FRMD3: variants seen among roughly 807,000 people sequenced by gnomAD.
FRMD3 encodes FERM domain-containing protein 3.
A neutral mutation model predicts 70.2 loss-of-function variants in FRMD3; 33 were observed. That is an observed-to-expected ratio of 0.47 (90% confidence interval 0.36 to 0.63). The LOEUF is 0.63. FRMD3 is among the 20% of genes least tolerant of loss of function. FRMD3 has a pLI of 0.00. For synonymous variants in FRMD3, 279 were observed against 255.9 expected (o/e 1.09, Z -0.86); for missense variants, 632 against 711.4 (o/e 0.89, Z 1.27).
At chr9:83,438,889 C>A (rs1827216330) in intron 1 of FRMD3, among the ~76,000 whole-genome samples, 1 of 152,206 alleles carries the variant, frequency 6.6e-6, no homozygotes, top group South Asian at 2.1e-4. Flanking sequence ...CTCAGCATAG[C>A]CTTCCTCCCA....
At chr9:83,344,956 T>C (rs3860902) in intron 4 of FRMD3, among the ~76,000 whole-genome samples, 107,996 of 151,678 alleles carry the variant, frequency 0.71, 38,679 homozygotes, top group Admixed American at 0.74. Flanking sequence ...GAGCGACATG[T>C]GTAATCCCCA....
Position 83,490,798 on chromosome 9 carries a change from T to TCTCTCACA in FRMD3, c.147+47286_147+47287insTGTGAGAG, listed in dbSNP as rs752047493. On this transcript the variant is annotated intron_variant, in intron 1 of 13. Transcript: ENST00000304195. ...CTCTCTCTCTCTCTCTCTCTCTCTCTCACACACACACACACACACACACAC... is the reference window on the plus strand; with the variant it reads ...CTCTCTCTCTCTCTCTCTCTCTCTCTCTCTCACACACACACACACACACACACACACAC... Among the ~76,000 whole-genome samples the TCTCTCACA allele has an allele frequency of 4.2e-4, 46 of 110,784 alleles. 1 individual carries two copies. In the South Asian group the frequency reaches 7.2e-3, roughly 17 times the overall value. 72.7% of individuals were successfully genotyped at this position (110,784 alleles called of 152,430 possible). A position where few individuals can be genotyped will look rare whatever the true frequency, so the allele number is the denominator to read the frequency against.
intron 3 of FRMD3, among the ~76,000 whole-genome samples, chr9:83,369,449 G>A (rs1432510775): frequency 5.3e-5 from 8 of 151,942 alleles, no homozygotes; most frequent in Non-Finnish European, 7.4e-5. Context: ...GGTGGCACGT[G>A]CCTGTAATCC....
At chr9:83,506,964 C>G (rs1014787950) in intron 1 of FRMD3, among the ~76,000 whole-genome samples, 1 of 152,136 alleles carries the variant, frequency 6.6e-6, no homozygotes, top group African/African-American at 2.4e-5. Context: ...TAGGCCTACA[C>G]AGGATCAAGA....
At chr9:83,523,030 T>C (rs1350953357) in intron 1 of FRMD3, among the ~76,000 whole-genome samples, 3 of 152,222 alleles carry the variant, frequency 2.0e-5, no homozygotes, top group Non-Finnish European at 4.4e-5. Flanking sequence ...TCTGTTTATG[T>C]GTCTGTCTGT....
chr9:83,503,429 G>A (rs1829116603), intron 1 of FRMD3, among the ~76,000 whole-genome samples: 1 of 152,090 alleles, frequency 6.6e-6, no homozygotes, highest in South Asian at 2.1e-4. Context: ...GTAAGAAAAT[G>A]GAGACATCAG....
At chr9:83,409,104 C>T (rs1458097102) in intron 1 of FRMD3, among the ~76,000 whole-genome samples, 2 of 152,154 alleles carry the variant, frequency 1.3e-5, no homozygotes, top group African/African-American at 2.4e-5. Context: ...CAAAGGTTGT[C>T]CATCCCCAGG....
chr9:83,424,496 C>T (rs1268596759), intron 1 of FRMD3, among the ~76,000 whole-genome samples: 1 of 152,162 alleles, frequency 6.6e-6, no homozygotes, highest in African/African-American at 2.4e-5. Context: ...TAAGAGCAGC[C>T]CTTGTACATT....
In FRMD3 at chr9:83,509,388, T is replaced by C. The variant is rs113776058; in HGVS notation, c.147+28697A>G. 3.8e-3 allele frequency among the ~76,000 whole-genome samples: 579 copies of C among 152,280 alleles called. 5 individuals are homozygous for C. Among genetic ancestry groups the C allele is most frequent in the African/African-American group, 0.013 (549 of 41,544 alleles). Reference sequence around the variant, plus strand: ...AATTTCTTTCAAAAGTTCAATGGTATGGCAGCAGCAGCAGTAGCCACAGCC... The same window carrying C: ...AATTTCTTTCAAAAGTTCAATGGTACGGCAGCAGCAGCAGTAGCCACAGCC... On this transcript the variant is annotated intron_variant, in intron 1 of 13. Coordinates refer to ENST00000304195, the MANE Select transcript of FRMD3 (RefSeq NM_174938.6).
At chr9:83,360,202 G>A (rs1334503250) in intron 3 of FRMD3, among the ~76,000 whole-genome samples, 1 of 152,218 alleles carries the variant, frequency 6.6e-6, no homozygotes, top group East Asian at 1.9e-4. Context: ...CCAGGAACCT[G>A]TTTGCTGCTG....
intron 6 of FRMD3, among the ~76,000 whole-genome samples, chr9:83,330,286 C>T (rs1836204276): frequency 6.6e-6 from 1 of 151,450 alleles, no homozygotes; most frequent in South Asian, 2.1e-4. Flanking sequence ...ATTGCTTGAA[C>T]CCAGGAGGTG....
At chr9:83,266,967 C>T (rs773281171) in intron 13 of FRMD3, 779 of 1,535,076 alleles carry the variant, frequency 5.1e-4, no homozygotes, top group Middle Eastern at 7.7e-4. Flanking sequence ...GCTGGAAGCC[C>T]GCACACTTCA....
chr9:83,409,206 G>C (rs1826210279), intron 1 of FRMD3, among the ~76,000 whole-genome samples: 1 of 152,164 alleles, frequency 6.6e-6, no homozygotes, highest in Admixed American at 6.5e-5. Context: ...GATGTTAAAA[G>C]CACACAGTAT....
chr9:83,436,540 CAA>C (rs1468147519), intron 1 of FRMD3, among the ~76,000 whole-genome samples: 2 of 148,822 alleles, frequency 1.3e-5, no homozygotes, highest in Non-Finnish European at 3.0e-5. Flanking sequence ...CTTCAGGAAG[CAA>C]TAAAGAGATC....
intron 1 of FRMD3, among the ~76,000 whole-genome samples, chr9:83,461,888 T>C (rs1827986614): frequency 6.6e-6 from 1 of 151,960 alleles, no homozygotes; most frequent in Admixed American, 6.6e-5. Context: ...GGTTTCGCCA[T>C]GTTGGACAGT....
At chr9:83,389,409 A>G (rs1052200969) in intron 2 of FRMD3, among the ~76,000 whole-genome samples, 195 bp downstream of exon 2, 3 of 152,116 alleles carry the variant, frequency 2.0e-5, no homozygotes, top group Admixed American at 6.5e-5. Context: ...GGAAAGGCCT[A>G]GGGTAACTTT....
At chr9:83,536,463 A>T (rs930873558) in intron 1 of FRMD3, among the ~76,000 whole-genome samples, 1 of 152,190 alleles carries the variant, frequency 6.6e-6, no homozygotes, top group East Asian at 1.9e-4. Context: ...CACATTCATT[A>T]TGGGTTAAAG....
At chr9:83,561,344 C>T in the FRMD3 span, among the ~76,000 whole-genome samples, 2 of 152,292 alleles carry the variant, frequency 1.3e-5, no homozygotes, top group South Asian at 2.1e-4. Context: ...AGCCTCCCTT[C>T]CTCATCCTCT....
intron 1 of FRMD3, among the ~76,000 whole-genome samples, chr9:83,474,620 C>T (rs567386742): frequency 6.6e-6 from 1 of 152,024 alleles, no homozygotes; most frequent in South Asian, 2.1e-4. Context: ...CTCATTCCAG[C>T]AATAATAGAT....
Sources: gnomAD v4.1 joint callset for allele counts (sites outside exome capture counted in the v4.1 genomes callset) on GRCh38, gnomAD v4.1.1 for gene constraint, MANE v1.5 for transcripts, NCBI Gene and HGNC (gene_info 2026-07-23, HGNC 2026-07-21) for gene names.